DSCAM: variants seen among roughly 807,000 people sequenced by gnomAD.
The protein encoded by DSCAM is DS cell adhesion molecule, also known as cell adhesion molecule DSCAM.
A neutral mutation model predicts 217.7 loss-of-function variants in DSCAM; 47 were observed. That is an observed-to-expected ratio of 0.22 (90% CI 0.17 to 0.28). The LOEUF (loss-of-function observed/expected upper bound fraction) is 0.28. Among genes scored for constraint, DSCAM ranks in the 10% least tolerant of loss-of-function variants. DSCAM has a pLI of 1.00. For missense variants in DSCAM, 2,080 were observed against 2,618.3 expected (o/e 0.79, Z 4.49); for synonymous variants, 1,056 against 1,015.3 (o/e 1.04, Z -0.76).
chr21:40,044,410 C>A, intron 30 of DSCAM, 135 bp from the exon 31 acceptor site: 2 of 797,338 alleles, frequency 2.5e-6, no homozygotes, highest in Non-Finnish European at 3.9e-6. Context: ...CTTGACTTCT[C>A]CTGTGCAGAG....
At chr21:40,205,410 C>A (rs1023277141) in intron 11 of DSCAM, among the ~76,000 whole-genome samples, 8 of 152,192 alleles carry the variant, frequency 5.3e-5, no homozygotes, top group Admixed American at 5.2e-4. Flanking sequence ...CGAGACCAGA[C>A]CGGCCAACAT....
At chr21:40,512,152 G>A (rs536896224) in intron 3 of DSCAM, among the ~76,000 whole-genome samples, 1 of 152,086 alleles carries the variant, frequency 6.6e-6, no homozygotes, top group Non-Finnish European at 1.5e-5. Context: ...ACGTAGCAGT[G>A]ATCTTTCCCT....
chr21:40,381,004 A>C (rs1364591086), intron 3 of DSCAM, among the ~76,000 whole-genome samples: 1 of 138,618 alleles, frequency 7.2e-6, no homozygotes, highest in Non-Finnish European at 1.5e-5. Flanking sequence ...CGGAGCCTGC[A>C]GTGAGCCGAG....
intron 3 of DSCAM, among the ~76,000 whole-genome samples, chr21:40,675,448 G>C (rs2090327602): frequency 6.6e-6 from 1 of 152,162 alleles, no homozygotes; most frequent in Admixed American, 6.5e-5. Context: ...CCAATGTAGA[G>C]TCCCTCCTAT....
chr21:40,314,784 T>G (rs74345232), intron 8 of DSCAM, among the ~76,000 whole-genome samples: 1,694 of 152,316 alleles, frequency 0.011, 34 homozygotes, highest in African/African-American at 0.039. Context: ...CAGGCTACTT[T>G]GGTTTAAGTT....
At chr21:40,604,397 A>C (rs372039166) in intron 3 of DSCAM, among the ~76,000 whole-genome samples, 12 of 152,162 alleles carry the variant, frequency 7.9e-5, no homozygotes, top group African/African-American at 2.9e-4. Context: ...TTCCATATCC[A>C]ATAATTCCAA....
intron 3 of DSCAM, among the ~76,000 whole-genome samples, chr21:40,389,658 T>C (rs1395085677): frequency 6.6e-6 from 1 of 152,184 alleles, no homozygotes; most frequent in Non-Finnish European, 1.5e-5. Context: ...AAAAGAGTGA[T>C]AAACCACACC....
At position 40,298,582 on chromosome 21, in the gene DSCAM, A is replaced by G. The variant is rs1000690591; in HGVS notation, c.2063-2408T>C. Among the ~76,000 whole-genome samples, 3 of 152,074 alleles carry G rather than the reference A, an allele frequency of 2.0e-5. No individual in the cohort carries two copies. The East Asian group carries it at 5.8e-4, about 29-fold the overall frequency. Reference sequence around the variant, plus strand: ...ATGACTATCTCTGAGTGAGGAAATTATCTCTAAGAAATATGGTAGAGATTA... The same window carrying G: ...ATGACTATCTCTGAGTGAGGAAATTGTCTCTAAGAAATATGGTAGAGATTA... On this transcript the variant is annotated intron_variant, in intron 9 of 32. Transcript: ENST00000400454.
chr21:40,583,342 G>A (rs1195499091), intron 3 of DSCAM, among the ~76,000 whole-genome samples: 2 of 152,160 alleles, frequency 1.3e-5, no homozygotes, highest in Admixed American at 1.3e-4. Flanking sequence ...GTATCTGGCT[G>A]TTCAATTTCC....
At chr21:40,691,590 C>A (rs538040209) in intron 3 of DSCAM, among the ~76,000 whole-genome samples, 65 of 152,282 alleles carry the variant, frequency 4.3e-4, no homozygotes, top group African/African-American at 1.5e-3. Context: ...ATAAGGGAGT[C>A]TCTATTCTGA....
chr21:40,758,690 T>TAGGCGAGGATGAGGGGGG (rs1188038500), intron 1 of DSCAM, among the ~76,000 whole-genome samples: 1 of 152,024 alleles, frequency 6.6e-6, no homozygotes, highest in Non-Finnish European at 1.5e-5. Context: ...GCTGCTTGCT[T>TAGGCGAGGATGAGGGGGG]AGGCGAGGAT....
At position 40,342,626 on chromosome 21, in the gene DSCAM, G is replaced by GTATATA. The variant is rs1244685654; in HGVS notation, c.1211-3217_1211-3212dup. 2.9e-3 allele frequency among the ~76,000 whole-genome samples: 273 copies of GTATATA among 94,698 alleles called. 2 individuals are homozygous for GTATATA. The highest frequency in any genetic ancestry group is 7.2e-3 in the East Asian group (25 of 3,466). The allele number at this position is 94,698 out of a possible 152,430, so 62.1% of individuals were successfully genotyped here. ...TATGTGTATATGTGTGTGTGTGTGTGTATATATATATATATATATATATTT... is the reference window on the plus strand; with the variant it reads ...TATGTGTATATGTGTGTGTGTGTGTGTATATATATATATATATATATATATATATTT... On this transcript the variant is annotated intron_variant, in intron 6 of 32. Transcript: ENST00000400454.
intron 11 of DSCAM, among the ~76,000 whole-genome samples, chr21:40,260,368 G>T (rs984294515): frequency 6.6e-6 from 1 of 152,190 alleles, no homozygotes; most frequent in Non-Finnish European, 1.5e-5. Context: ...CTCCAGCCCT[G>T]TCTCTGCCTT....
At chr21:40,294,671 T>A (rs2073933734) in intron 10 of DSCAM, among the ~76,000 whole-genome samples, 1 of 152,208 alleles carries the variant, frequency 6.6e-6, no homozygotes, top group South Asian at 2.1e-4. Flanking sequence ...AAAAATAATG[T>A]TGAAGAAGGC....
At chr21:40,412,545 A>G (rs988149593) in intron 3 of DSCAM, among the ~76,000 whole-genome samples, 21 of 152,332 alleles carry the variant, frequency 1.4e-4, no homozygotes, top group African/African-American at 4.6e-4. Context: ...CCCCTGCCCT[A>G]GAGATCTGTG....
At chr21:40,790,063 G>C (rs925554035) in intron 1 of DSCAM, among the ~76,000 whole-genome samples, 1 of 152,028 alleles carries the variant, frequency 6.6e-6, no homozygotes, top group Non-Finnish European at 1.5e-5. Flanking sequence ...GTACAGAAAC[G>C]GATGATTTCT....
At position 40,402,354 on chromosome 21, in the gene DSCAM, C is replaced by T. The variant is rs545240967; in HGVS notation, c.509-33109G>A. 3.3e-5 allele frequency among the ~76,000 whole-genome samples: 5 copies of T among 151,798 alleles called. No homozygotes were observed. The South Asian group carries it at 1.0e-3, about 32-fold the overall frequency. Reference sequence around the variant, plus strand: ...AAAGTGGTGGGATTACAGGCTCGAGCCACCACGCCCGGCTAAAATATATTA... The same window carrying T: ...AAAGTGGTGGGATTACAGGCTCGAGTCACCACGCCCGGCTAAAATATATTA... On this transcript the variant is annotated intron_variant, in intron 3 of 32. Transcript: ENST00000400454.
chr21:40,779,171 C>A (rs1336037161), intron 1 of DSCAM, among the ~76,000 whole-genome samples: 4 of 151,364 alleles, frequency 2.6e-5, no homozygotes, highest in African/African-American at 9.7e-5. Flanking sequence ...GACTTTTTAA[C>A]CTTGATCATT....
At chr21:40,465,377 A>T (rs2145956755) in intron 3 of DSCAM, among the ~76,000 whole-genome samples, 1 of 152,210 alleles carries the variant, frequency 6.6e-6, no homozygotes, top group African/African-American at 2.4e-5. Context: ...GTCTCCCAAA[A>T]GCTCTGTTTG....
Sources: gnomAD v4.1 joint callset for allele counts (sites outside exome capture counted in the v4.1 genomes callset) on GRCh38, gnomAD v4.1.1 for gene constraint, MANE v1.5 for transcripts, NCBI Gene and HGNC (gene_info 2026-07-23, HGNC 2026-07-21) for gene names.